Variants in HNRNPLL observed in about 807,000 individuals in gnomAD.
HNRNPLL encodes heterogeneous nuclear ribonucleoprotein L-like.
In HNRNPLL, 25 loss-of-function variants were observed where a neutral mutation model predicts 67.1. That is an observed-to-expected ratio of 0.37 (90% CI 0.27 to 0.52). HNRNPLL has a LOEUF of 0.52. HNRNPLL is among the 20% of genes least tolerant of loss of function. HNRNPLL has a pLI of 0.90. For missense variants in HNRNPLL, 542 were observed against 673.9 expected, an observed-to-expected ratio of 0.80 and a Z score of 2.17; for synonymous variants, 267 against 241.7, an observed-to-expected ratio of 1.10 and a Z score of -0.97.
In HNRNPLL at chr2:38,562,552, G is replaced by A. The variant is rs1224205661; in HGVS notation, c.*1630C>T. The A allele has an allele frequency of 1.3e-5, 2 of 152,074 alleles. No individual in the cohort carries two copies. Among genetic ancestry groups the A allele is most frequent in the Non-Finnish European group, 2.9e-5 (2 of 67,968 alleles). 9.4% of individuals were successfully genotyped at this position (152,074 alleles called of 1,614,324 possible). A position where few individuals can be genotyped will look rare whatever the true frequency, so the allele number is the denominator to read the frequency against. On this transcript the variant is annotated 3_prime_UTR_variant, in exon 13 of 13. Transcript: ENST00000449105. The stretch of plus-strand genomic sequence containing the variant: ...TCAATTTTTCAAAAGAGGTAGAAAA[G>A]TATTTATAGGGGAAAAAAAGCTTTA...
chr2:38,564,064 C>A lies in HNRNPLL; in HGVS notation c.*118G>T, dbSNP rs1033225440. On this transcript the variant is annotated 3_prime_UTR_variant, in exon 13 of 13. Coordinates refer to ENST00000449105, the MANE Select transcript of HNRNPLL (RefSeq NM_138394.4). ...AAGGCAAAATATGTTTATTACAGAA[C>A]AGGATCTTAAAGTAAGCAAGGCAAC... The A allele has an allele frequency of 5.6e-6, 4 of 709,758 alleles. No individual in the cohort carries two copies. The Admixed American group carries it at 7.1e-5, about 13-fold the overall frequency. The allele number at this position is 709,758 out of a possible 1,614,324, so 44.0% of individuals were successfully genotyped here.
rs1185266752 is a variant in HNRNPLL, at chr2:38,602,842, G to C, written c.-216C>G. ...CCCGGGAGGAAGCTCTGGAGCGGCC[G>C]CTCCTCTCAATTACCGAGCCAACAT... On this transcript the variant is annotated 5_prime_UTR_variant, in exon 1 of 13. Transcript: ENST00000449105. 1.3e-6 allele frequency: 2 copies of C among 1,548,888 alleles called. No individual in the cohort carries two copies. Among genetic ancestry groups the C allele is most frequent in the Admixed American group, 3.9e-5 (2 of 50,924 alleles).
chr2:38,594,715 G>A (rs1424572536), intron 1 of HNRNPLL, among the ~76,000 whole-genome samples: 5 of 152,052 alleles, frequency 3.3e-5, no homozygotes, highest in African/African-American at 9.7e-5. Flanking sequence ...TTGGGAGGCT[G>A]ACACAGGCAA....
At chr2:38,600,635 A>C (rs1667391822) in intron 1 of HNRNPLL, among the ~76,000 whole-genome samples, 1 of 151,778 alleles carries the variant, frequency 6.6e-6, no homozygotes, top group Non-Finnish European at 1.5e-5. Context: ...CGGGAGGCTG[A>C]GGTAGGAGGA....
At chr2:38,570,969 C>G (rs1053130640) in intron 8 of HNRNPLL, among the ~76,000 whole-genome samples, 1 of 151,984 alleles carries the variant, frequency 6.6e-6, no homozygotes, top group Admixed American at 6.6e-5. Flanking sequence ...TGCTTGTGCC[C>G]AAGAGCTAGA....
At chr2:38,584,441 A>G (rs1462053012) in intron 3 of HNRNPLL, among the ~76,000 whole-genome samples, 1 of 152,242 alleles carries the variant, frequency 6.6e-6, no homozygotes, top group Non-Finnish European at 1.5e-5. Flanking sequence ...CCAATGGAAC[A>G]TTTGGAAAGC....
At chr2:38,596,643 GT>G (rs1197946668) in intron 1 of HNRNPLL, among the ~76,000 whole-genome samples, 3 of 152,106 alleles carry the variant, frequency 2.0e-5, no homozygotes, top group African/African-American at 7.2e-5. Flanking sequence ...GAACAAATCA[GT>G]TTTGTTTTTA....
At chr2:38,592,824 A>C (rs1203929027) in intron 1 of HNRNPLL, among the ~76,000 whole-genome samples, 3 of 152,230 alleles carry the variant, frequency 2.0e-5, no homozygotes, top group East Asian at 1.9e-4. Flanking sequence ...AAATTTTTTA[A>C]AGTTTTTTTC....
At chr2:38,585,338 G>C (rs1666683646) in intron 3 of HNRNPLL, among the ~76,000 whole-genome samples, 1 of 152,156 alleles carries the variant, frequency 6.6e-6, no homozygotes, top group Non-Finnish European at 1.5e-5. Flanking sequence ...GCATATGCGT[G>C]ACAGAGATTT....
chr2:38,567,082 T>G (rs1247734533), intron 12 of HNRNPLL, among the ~76,000 whole-genome samples: 1 of 151,888 alleles, frequency 6.6e-6, no homozygotes, highest in African/African-American at 2.4e-5. Context: ...CAGGAAAGTA[T>G]GTACAGAAGA....
chr2:38,582,738 G>A lies in HNRNPLL; in HGVS notation c.633-570C>T, dbSNP rs372157174. ...AGTTCGAGACCAGCCTGGCCAACATGGTGAAGCCCCATCTCTACTAAAAAT... is the reference window on the plus strand; with the variant it reads ...AGTTCGAGACCAGCCTGGCCAACATAGTGAAGCCCCATCTCTACTAAAAAT... On this transcript the variant is annotated intron_variant, in intron 4 of 12. Transcript: ENST00000449105. 3.9e-5 allele frequency among the ~76,000 whole-genome samples: 6 copies of A among 152,148 alleles called. No homozygotes were observed. The East Asian group carries it at 7.8e-4, about 20-fold the overall frequency.
At chr2:38,599,795 A>C (rs906461695) in intron 1 of HNRNPLL, 1 of 445,986 alleles carries the variant, frequency 2.2e-6, no homozygotes, top group Non-Finnish European at 4.6e-6. Context: ...AAAGCACTCA[A>C]GGTTAATCAT....
chr2:38,571,320 TAG>T (rs796373843), intron 8 of HNRNPLL, among the ~76,000 whole-genome samples: 54 of 152,288 alleles, frequency 3.5e-4, no homozygotes, highest in African/African-American at 1.3e-3. Flanking sequence ...TATTTTACTG[TAG>T]TCACCTATTG....
intron 1 of HNRNPLL, among the ~76,000 whole-genome samples, chr2:38,594,673 GCA>G (rs1457003794): frequency 2.0e-5 from 3 of 152,146 alleles, no homozygotes; most frequent in Non-Finnish European, 4.4e-5. Context: ...CCAAGGCCAG[GCA>G]CAGTGGCTCA....
chr2:38,587,361 T>C (rs1258522213), intron 2 of HNRNPLL, among the ~76,000 whole-genome samples: 1 of 151,842 alleles, frequency 6.6e-6, no homozygotes. Context: ...ATTACTGTAT[T>C]ATTATTATTT....
intron 8 of HNRNPLL, 21 bp from the exon 9 acceptor site, chr2:38,569,946 A>G: frequency 6.4e-7 from 1 of 1,554,470 alleles, no homozygotes; most frequent in African/African-American, 1.4e-5. Flanking sequence ...AAAATTCCAA[A>G]AAGGTGACCA....
At position 38,578,454 on chromosome 2, in the gene HNRNPLL, C is replaced by G. The variant is rs13431551; in HGVS notation, c.803-922G>C. ...ATAAGATTTTTAAAAATATGTATCT[C>G]AAGACTCTGGTCATTCTAATCCTTG... On this transcript the variant is annotated intron_variant, in intron 6 of 12. Transcript: ENST00000449105. Among the ~76,000 whole-genome samples the G allele has an allele frequency of 4.6e-5, 7 of 151,826 alleles. 1 individual carries two copies. The highest frequency in any genetic ancestry group is 5.9e-5 in the Non-Finnish European group (4 of 67,902).
At chr2:38,590,359 T>A (rs1666908923) in intron 2 of HNRNPLL, among the ~76,000 whole-genome samples, 1 of 152,218 alleles carries the variant, frequency 6.6e-6, no homozygotes, top group African/African-American at 2.4e-5. Flanking sequence ...TGAATTTTTA[T>A]AAAATTGAAG....
At chr2:38,592,408 T>C (rs1025821931) in intron 1 of HNRNPLL, among the ~76,000 whole-genome samples, 1 of 152,260 alleles carries the variant, frequency 6.6e-6, no homozygotes, top group African/African-American at 2.4e-5. Flanking sequence ...TCTTTTGTTC[T>C]TGTTTAATTG....
Sources: gnomAD v4.1 joint callset for allele counts (sites outside exome capture counted in the v4.1 genomes callset) on GRCh38, gnomAD v4.1.1 for gene constraint, MANE v1.5 for transcripts, NCBI Gene and HGNC (gene_info 2026-07-23, HGNC 2026-07-21) for gene names.